FER: variants seen among roughly 807,000 people sequenced by gnomAD.
The protein encoded by FER is FER tyrosine kinase.
A neutral mutation model predicts 111.0 loss-of-function variants in FER; 63 were observed. The ratio of observed to expected loss-of-function variants is 0.57; its 90% CI spans 0.46 to 0.70. The LOEUF is 0.70. Among genes scored for constraint, FER ranks in the 30% least tolerant of loss-of-function variants. The pLI is 0.00. For missense variants in FER, 914 were observed against 954.0 expected (o/e 0.96, Z 0.55); for synonymous variants, 327 against 313.9 (o/e 1.04, Z -0.44).
chr5:108,982,036 G>A lies in FER; in HGVS notation c.1656+22689G>A, dbSNP rs539532991. Reference sequence around the variant, plus strand: ...AGACCTCCCTGTGGCTCACTTCTTAGACCAGAGGTTTTGAAAGCGCAGGCT... The same window carrying A: ...AGACCTCCCTGTGGCTCACTTCTTAAACCAGAGGTTTTGAAAGCGCAGGCT... On this transcript the variant is annotated intron_variant, in intron 13 of 19. Transcript: ENST00000281092. Among the ~76,000 whole-genome samples, 19 of 152,214 alleles carry A rather than the reference G, an allele frequency of 1.2e-4. No homozygotes were observed. In the South Asian group the frequency reaches 3.7e-3, roughly 30 times the overall value.
At chr5:109,046,412 A>C (rs1370061663) in intron 15 of FER, among the ~76,000 whole-genome samples, 2 of 152,152 alleles carry the variant, frequency 1.3e-5, no homozygotes, top group African/African-American at 4.8e-5. Context: ...CTTTTCAGCT[A>C]TACTTTTGTG....
intron 5 of FER, chr5:108,841,754 C>A: frequency 3.2e-6 from 1 of 317,008 alleles, no homozygotes; most frequent in Non-Finnish European, 6.1e-6. Context: ...AGAGTGAGAG[C>A]CAAGTGGGAG....
intron 13 of FER, among the ~76,000 whole-genome samples, chr5:108,976,597 TA>T (rs762150213): frequency 1.3e-5 from 2 of 152,186 alleles, no homozygotes; most frequent in Non-Finnish European, 2.9e-5. Flanking sequence ...AAACAACTAC[TA>T]ATAGCCTACT....
intron 18 of FER, among the ~76,000 whole-genome samples, chr5:109,184,116 C>T (rs1046242510): frequency 6.6e-6 from 1 of 152,194 alleles, no homozygotes; most frequent in African/African-American, 2.4e-5. Context: ...GAATACTGAT[C>T]TCCAACTAAG....
chr5:109,140,833 CAT>C (rs903287633), intron 17 of FER, among the ~76,000 whole-genome samples: 1 of 152,114 alleles, frequency 6.6e-6, no homozygotes, highest in African/African-American at 2.4e-5. Flanking sequence ...ATGTGACAGA[CAT>C]AAAAATCCTT....
At chr5:109,026,872 G>A (rs1350981960) in intron 13 of FER, among the ~76,000 whole-genome samples, 1 of 152,002 alleles carries the variant, frequency 6.6e-6, no homozygotes, top group Non-Finnish European at 1.5e-5. Context: ...GTAGAAACGG[G>A]GTTTTACCAT....
At chr5:108,878,592 C>T (rs1268610171) in intron 8 of FER, among the ~76,000 whole-genome samples, 2 of 151,788 alleles carry the variant, frequency 1.3e-5, no homozygotes, top group Non-Finnish European at 2.9e-5. Context: ...TAGGTTATTT[C>T]CAGTTTTTTC....
intron 17 of FER, among the ~76,000 whole-genome samples, chr5:109,111,944 T>C (rs1452871881): frequency 6.6e-6 from 1 of 152,170 alleles, no homozygotes; most frequent in Admixed American, 6.6e-5. Context: ...CTGTTTGTGG[T>C]CTGGTGTGCC....
At chr5:109,186,043 T>A (rs1758827231) in intron 18 of FER, among the ~76,000 whole-genome samples, 157 bp from the exon 19 acceptor site, 1 of 152,208 alleles carries the variant, frequency 6.6e-6, no homozygotes. Context: ...TAGGAATTTT[T>A]TAGCTCCATT....
chr5:108,779,455 T>C (rs572324912), intron 2 of FER, among the ~76,000 whole-genome samples: 28 of 152,206 alleles, frequency 1.8e-4, no homozygotes, highest in Admixed American at 1.0e-3. Context: ...TTTAGTTCTT[T>C]GATTTCTTTA....
At chr5:108,980,274 A>G (rs1761882449) in intron 13 of FER, among the ~76,000 whole-genome samples, 1 of 152,140 alleles carries the variant, frequency 6.6e-6, no homozygotes, top group Non-Finnish European at 1.5e-5. Flanking sequence ...ATAAATTTAT[A>G]CTGGTAGGCC....
chr5:108,819,120 A>T (rs1416471557), intron 3 of FER, among the ~76,000 whole-genome samples: 1 of 149,810 alleles, frequency 6.7e-6, no homozygotes, highest in Non-Finnish European at 1.5e-5. Flanking sequence ...GGCTTAAGTG[A>T]TCCTCTCACC....
intron 13 of FER, among the ~76,000 whole-genome samples, chr5:109,018,827 G>A (rs565923115): frequency 1.3e-5 from 2 of 151,628 alleles, no homozygotes; most frequent in East Asian, 1.9e-4. Flanking sequence ...CACCCACATC[G>A]TTTTCTGGAT....
At chr5:109,024,739 C>G (rs1250969821) in intron 13 of FER, among the ~76,000 whole-genome samples, 1 of 152,074 alleles carries the variant, frequency 6.6e-6, no homozygotes, top group Admixed American at 6.6e-5. Flanking sequence ...TTTTGATGAG[C>G]CCCTGTGCCT....
intron 17 of FER, among the ~76,000 whole-genome samples, chr5:109,108,576 C>T (rs868198268): frequency 2.6e-5 from 4 of 152,116 alleles, no homozygotes; most frequent in African/African-American, 7.2e-5. Context: ...CTATGTCATA[C>T]CAAGTCCATC....
At chr5:109,181,064 G>T (rs569561153) in intron 18 of FER, among the ~76,000 whole-genome samples, 163 bp downstream of exon 18, 1 of 152,164 alleles carries the variant, frequency 6.6e-6, no homozygotes, top group Non-Finnish European at 1.5e-5. Flanking sequence ...TGAAATTATT[G>T]ATCAGATTTC....
intron 16 of FER, among the ~76,000 whole-genome samples, chr5:109,070,809 A>T (rs2149993511): frequency 1.3e-5 from 2 of 152,132 alleles, no homozygotes; most frequent in Admixed American, 1.3e-4. Context: ...ACATTTCAGG[A>T]TTATTTGCAA....
chr5:108,822,117 G>C (rs1758909941), intron 3 of FER, among the ~76,000 whole-genome samples: 1 of 152,000 alleles, frequency 6.6e-6, no homozygotes, highest in African/African-American at 2.4e-5. Flanking sequence ...TTTTATGCCT[G>C]GCTTTTTCAC....
intron 8 of FER, 53 bp downstream of exon 8, chr5:108,872,265 ATTG>A (rs1235445399): frequency 2.9e-5 from 43 of 1,478,598 alleles, no homozygotes; most frequent in Middle Eastern, 3.9e-4. Flanking sequence ...TTATTGCTTT[ATTG>A]TTGTACTCAG....
Sources: allele counts gnomAD v4.1 joint callset (sites outside exome capture counted in the v4.1 genomes callset), GRCh38; gene constraint gnomAD v4.1.1; transcripts MANE v1.5; gene names NCBI Gene and HGNC (gene_info 2026-07-23, HGNC 2026-07-21).